The following TK1 variants were observed in gnomAD, a reference collection of about 807,000 sequenced individuals.
TK1 encodes thymidine kinase, cytosolic.
A neutral mutation model predicts 22.4 loss-of-function variants in TK1; 13 were observed. The observed-to-expected ratio is 0.58, with a 90% CI of 0.38 to 0.92. The LOEUF is 0.92. TK1 is among the 40% of genes least tolerant of loss of function. The pLI, the probability that TK1 is intolerant of heterozygous loss-of-function variation, is 0.00. For missense variants in TK1, 251 were observed against 315.7 expected (o/e 0.80, Z 1.55); for synonymous variants, 134 against 125.4 (o/e 1.07, Z -0.46).
Position 78,187,015 on chromosome 17 carries a change from G to A in TK1, c.-21C>T, listed in dbSNP as rs199903384. 264 of 1,588,740 alleles carry A rather than the reference G, an allele frequency of 1.7e-4. No homozygotes were observed. Among genetic ancestry groups the A allele is most frequent in the South Asian group, 1.9e-4 (17 of 87,370 alleles). On this transcript the variant is annotated 5_prime_UTR_variant, in exon 1 of 7. Transcript: ENST00000301634. ...CTCATTGCGCCTCCGGGAAGTTCAC[G>A]AACCCGAGTACTCTCCAAGGCCGTC...
rs377058420 is a variant in TK1 at position 78,181,491 on chromosome 17, T to G, written c.303+1098A>C. On this transcript the variant is annotated intron_variant, in intron 4 of 6. Coordinates refer to ENST00000301634, the MANE Select transcript of TK1 (RefSeq NM_003258.5). ...TGGCAGAGGTTGCAGTGAGCCGAGA[T>G]CACGCCATTGCACTCCAGCCTGGGC... is the stretch of plus-strand genomic sequence containing the variant. Among the ~76,000 whole-genome samples, 4 of 145,442 alleles carry G rather than the reference T, an allele frequency of 2.8e-5. No homozygotes were observed. In the East Asian group the frequency reaches 8.1e-4, roughly 30 times the overall value.
Position 78,175,640 on chromosome 17 carries a change from A to C in TK1, c.304-22T>G, listed in dbSNP as rs759665412. The C allele has an allele frequency of 5.0e-6, 8 of 1,603,712 alleles. No homozygotes were observed. The South Asian group carries it at 8.8e-5, about 18-fold the overall frequency. On this transcript the variant is annotated intron_variant, in intron 4 of 6. Transcript: ENST00000301634. Reference sequence around the variant, plus strand: ...GGAACTGGAAAGGGCACGTGGAGAAAGAGTGTGAGAGCTTCCACCCCAGCA... The same window carrying C: ...GGAACTGGAAAGGGCACGTGGAGAACGAGTGTGAGAGCTTCCACCCCAGCA...
At chr17:78,180,003 G>A (rs2145825532) in intron 4 of TK1, among the ~76,000 whole-genome samples, 1 of 152,320 alleles carries the variant, frequency 6.6e-6, no homozygotes, top group South Asian at 2.1e-4. Flanking sequence ...CCTGGGAGAT[G>A]GAGGTTATAG....
chr17:78,181,904 G>A (rs547442953), intron 4 of TK1, among the ~76,000 whole-genome samples: 102 of 151,038 alleles, frequency 6.8e-4, no homozygotes, highest in African/African-American at 2.3e-3. Context: ...ACAGGTGTGC[G>A]CTGCTATGAC....
rs895653463 is a variant in TK1 at position 78,180,011 on chromosome 17, T to C, written c.303+2578A>G. 8.5e-5 allele frequency among the ~76,000 whole-genome samples: 13 copies of C among 152,246 alleles called. 1 individual carries two copies. Among genetic ancestry groups the C allele is most frequent in the Admixed American group, 8.5e-4 (13 of 15,294 alleles). Reference sequence around the variant, plus strand: ...ACTTGAACCTGGGAGATGGAGGTTATAGTGAGCCGAGACTGCGCCACTGCA... The same window carrying C: ...ACTTGAACCTGGGAGATGGAGGTTACAGTGAGCCGAGACTGCGCCACTGCA... On this transcript the variant is annotated intron_variant, in intron 4 of 6. Coordinates refer to ENST00000301634, the MANE Select transcript of TK1 (RefSeq NM_003258.5).
At chr17:78,186,141 G>A (rs1473087112) in intron 2 of TK1, among the ~76,000 whole-genome samples, 4 of 151,880 alleles carry the variant, frequency 2.6e-5, no homozygotes, top group Admixed American at 6.6e-5. Context: ...GGGGGTGCAC[G>A]CCTGTAGTCC....
intron 4 of TK1, among the ~76,000 whole-genome samples, chr17:78,177,861 A>G (rs1170930565): frequency 6.6e-6 from 1 of 150,498 alleles, no homozygotes; most frequent in East Asian, 2.0e-4. Flanking sequence ...GGCATGAGCC[A>G]CTGCGCCTGG....
chr17:78,176,565 G>T (rs1006588124), intron 4 of TK1, among the ~76,000 whole-genome samples: 1 of 151,988 alleles, frequency 6.6e-6, no homozygotes, highest in African/African-American at 2.4e-5. Flanking sequence ...TGACTGCAGG[G>T]GTCTCTGGAG....
rs1238595123 is a variant in TK1 at position 78,186,680 on chromosome 17, AAGGGAAGGGGAGGGGAGGGGAGGGG to A, written c.98+82_98+106del. 2.0e-5 allele frequency: 14 copies of A among 693,408 alleles called. 1 individual carries two copies. The highest frequency in any genetic ancestry group is 2.0e-4 in the Admixed American group (4 of 20,144). The allele number at this position is 693,408 out of a possible 1,614,324, so 43.0% of individuals were successfully genotyped here. A position where few individuals can be genotyped will look rare whatever the true frequency, so the allele number is the denominator to read the frequency against. On this transcript the variant is annotated intron_variant, in intron 2 of 6. Transcript: ENST00000301634. The stretch of plus-strand genomic sequence containing the variant: ...CTTCTAGGGGAAGGGAAGGGGAGGG[AAGGGAAGGGGAGGGGAGGGGAGGGG>A]AGGGAAGGGGAGGGGAGGGACGGGA...
At chr17:78,181,275 C>T (rs560324744) in intron 4 of TK1, among the ~76,000 whole-genome samples, 133 of 151,864 alleles carry the variant, frequency 8.8e-4, no homozygotes, top group African/African-American at 2.9e-3. Flanking sequence ...AGGCCGGGCA[C>T]GGCGGCTCAT....
chr17:78,179,569 G>A (rs979994188), intron 4 of TK1: 12 of 985,320 alleles, frequency 1.2e-5, no homozygotes, highest in Non-Finnish European at 1.4e-5. Flanking sequence ...CCACGGGAAT[G>A]GAATTTGCAG....
chr17:78,185,113 GGCACTT>G lies in TK1; in HGVS notation c.145_150del (p.Lys49_Cys50del). The G allele has an allele frequency of 6.2e-7, 1 of 1,612,044 alleles. No individual in the cohort carries two copies. Among genetic ancestry groups the G allele is most frequent in the Non-Finnish European group, 8.5e-7 (1 of 1,179,562 alleles). On this transcript the variant is annotated inframe_deletion, in exon 3 of 7. Coordinates refer to ENST00000301634, the MANE Select transcript of TK1 (RefSeq NM_003258.5). ...GTGTCTTTGGCATACTTGATCACCA[GGCACTT>G]GTACTGAGCAATCTGGAAGCGACGG... is the stretch of plus-strand genomic sequence containing the variant.
intron 4 of TK1, chr17:78,179,390 G>A (rs975092537): frequency 9.1e-6 from 9 of 985,258 alleles, no homozygotes; most frequent in African/African-American, 5.2e-5. Context: ...CGTACGCAGA[G>A]GCATGGGGGT....
intron 2 of TK1, 116 bp from the exon 3 acceptor site, chr17:78,185,281 C>A: frequency 1.4e-6 from 1 of 723,406 alleles, no homozygotes; most frequent in South Asian, 1.6e-5. Context: ...CTGAGCCCAC[C>A]ACAGCCAGAA....
chr17:78,180,976 G>A (rs553576243), intron 4 of TK1, among the ~76,000 whole-genome samples: 3 of 152,172 alleles, frequency 2.0e-5, no homozygotes, highest in Non-Finnish European at 4.4e-5. Context: ...AAGACCAGGC[G>A]TGGTGGCTCA....
intron 4 of TK1, chr17:78,179,138 C>G: frequency 2.0e-6 from 2 of 984,342 alleles, no homozygotes; most frequent in Non-Finnish European, 2.4e-6. Flanking sequence ...TTACGCAGAG[C>G]CAGGAGAACA....
Position 78,175,113 on chromosome 17 carries a change from C to A in TK1, c.450G>T (p.Thr150=), listed in dbSNP as rs572474600. The change falls in exon 6 of 7, where the codon ACG becomes ACT. Residue 150 remains threonine (T), a synonymous_variant. Transcript: ENST00000301634. The part of the protein sequence containing the change: ...VPLAESVVKL[T]AVCMECFREA... Reference sequence around the variant, plus strand: ...CCCGGAAGCACTCCATGCACACCGCCGTCAGCTTCACCACGCTCTCGGCCA... The same window carrying A: ...CCCGGAAGCACTCCATGCACACCGCAGTCAGCTTCACCACGCTCTCGGCCA... 3 of 1,613,398 alleles carry A rather than the reference C, an allele frequency of 1.9e-6. No homozygotes were observed. The highest frequency in any genetic ancestry group is 2.5e-6 in the Non-Finnish European group (3 of 1,179,894).
At chr17:78,184,926 T>C in intron 3 of TK1, 129 bp downstream of exon 3, 1 of 742,776 alleles carries the variant, frequency 1.3e-6, no homozygotes, top group Non-Finnish European at 2.2e-6. Context: ...CCAAGCACCT[T>C]GGAAAGTGTG....
At chr17:78,182,713 GC>G (rs777903336) in intron 3 of TK1, 31 bp from the exon 4 acceptor site, 1 of 1,494,816 alleles carries the variant, frequency 6.7e-7, no homozygotes, top group South Asian at 1.2e-5. Context: ...CGTGAGCAGG[GC>G]CAGGGAGGCC....
Sources: gnomAD v4.1 joint callset for allele counts (sites outside exome capture counted in the v4.1 genomes callset) on GRCh38, gnomAD v4.1.1 for gene constraint, MANE v1.5 for transcripts, NCBI Gene and HGNC (gene_info 2026-07-23, HGNC 2026-07-21) for gene names.